The following CFAP43 variants were observed in gnomAD, a reference collection of about 807,000 sequenced individuals.
CFAP43 encodes cilia and flagella associated protein 43.
Under a neutral mutation model 218.9 loss-of-function variants are expected in CFAP43, and 155 were observed. The observed-to-expected ratio is 0.71, with a 90% CI of 0.62 to 0.81. The LOEUF (loss-of-function observed/expected upper bound fraction) is 0.81. Among genes scored for constraint, CFAP43 ranks in the 30% least tolerant of loss-of-function variants. The probability of loss-of-function intolerance (pLI) is 0.00; values close to 1 mark genes in which losing one functional copy is unlikely to be tolerated. For synonymous variants in CFAP43, 645 were observed against 681.3 expected (o/e 0.95, Z 0.83); for missense variants, 1,778 against 1,954.3 (o/e 0.91, Z 1.70).
chr10:104,152,517 T>G (rs1348976819), intron 28 of CFAP43, 90 bp downstream of exon 28: 1 of 1,559,914 alleles, frequency 6.4e-7, no homozygotes, highest in African/African-American at 1.4e-5. Flanking sequence ...AAGATCTTAG[T>G]ACCTGGTAAG....
At chr10:104,212,855 A>G (rs1003111032) in intron 4 of CFAP43, among the ~76,000 whole-genome samples, 3 of 152,206 alleles carry the variant, frequency 2.0e-5, no homozygotes, top group African/African-American at 7.2e-5. Flanking sequence ...TTGAAAAACA[A>G]TCACATAAAA....
In CFAP43 at chr10:104,179,893, C is replaced by T. The variant is rs2089767995; in HGVS notation, c.2329G>A (p.Val777Ile). ...ASTDLSQDELVLTDVKKEIPW... is the reference protein window; with the variant it reads ...ASTDLSQDELILTDVKKEIPW... Reference sequence around the variant, plus strand: ...ATTTCCTTCTTAACATCGGTTAGAACTAATTCATCTTGTGATAAGTCAGTG... The same window carrying T: ...ATTTCCTTCTTAACATCGGTTAGAATTAATTCATCTTGTGATAAGTCAGTG... The change falls in exon 18 of 38, where the codon GTT (valine) becomes ATT (isoleucine). Residue 777 changes from valine (V) to isoleucine (I), a missense_variant. By Grantham distance (29) the Val-to-Ile change is conservative. Coordinates refer to ENST00000357060, the MANE Select transcript of CFAP43 (RefSeq NM_025145.7). The T allele has an allele frequency of 6.2e-7, 1 of 1,613,864 alleles. No homozygotes were observed. Among genetic ancestry groups the T allele is most frequent in the African/African-American group, 1.3e-5 (1 of 75,056 alleles).
chr10:104,135,851 A>G (rs1248772538), intron 34 of CFAP43, among the ~76,000 whole-genome samples: 1 of 152,112 alleles, frequency 6.6e-6, no homozygotes, highest in Non-Finnish European at 1.5e-5. Flanking sequence ...AAATGGAAAA[A>G]CCTGATCCTC....
At chr10:104,192,331 T>C in intron 11 of CFAP43, 29 bp from the exon 12 acceptor site, 1 of 1,531,142 alleles carries the variant, frequency 6.5e-7, no homozygotes, top group Non-Finnish European at 9.0e-7. Flanking sequence ...GATGATCAAA[T>C]CCCAATTGTT....
chr10:104,146,311 G>GTC lies in CFAP43; in HGVS notation c.3805_3806dup (p.Asp1269GlufsTer73). ...CATAGTGCTCCTTGCACACATCCAG[G>GTC]TCTTCTCTAGATTTCCGAACAGCTT... On this transcript the variant is annotated frameshift_variant, in exon 30 of 38. Transcript: ENST00000357060. LOFTEE classifies it high-confidence loss of function. 1 of 1,613,708 alleles carries GTC rather than the reference G, an allele frequency of 6.2e-7. No individual in the cohort carries two copies. The highest frequency in any genetic ancestry group is 8.5e-7 in the Non-Finnish European group (1 of 1,179,720).
At chr10:104,148,367 C>G (rs949670741) in intron 28 of CFAP43, among the ~76,000 whole-genome samples, 1 of 152,148 alleles carries the variant, frequency 6.6e-6, no homozygotes, top group Non-Finnish European at 1.5e-5. Flanking sequence ...TAAACACTAT[C>G]TTGACTTTTT....
At chr10:104,214,206 A>G (rs1248772548) in intron 4 of CFAP43, 53 bp downstream of exon 4, 2 of 1,502,088 alleles carry the variant, frequency 1.3e-6, no homozygotes, top group Non-Finnish European at 1.8e-6. Context: ...ATCACATTAC[A>G]CGAATGCAAA....
chr10:104,147,681 T>C (rs969869962), intron 29 of CFAP43, among the ~76,000 whole-genome samples: 2 of 152,232 alleles, frequency 1.3e-5, no homozygotes, highest in African/African-American at 4.8e-5. Context: ...TGATTGCAGA[T>C]GCAGAATCAC....
rs1446951440 is a variant in CFAP43, at chr10:104,214,265, C to G, written c.578G>C (p.Arg193Thr). ...IERSNQEHCF[R>T]ARSVKLPLED... ...TTGTAACAAAGGCTCCTACCTTGCT[C>G]TGAAACAATGCTCCTGGTTACTTCT... The change falls in exon 4 of 38, where the codon AGA (arginine) becomes ACA (threonine). Residue 193 changes from arginine (R) to threonine (T), a missense_variant. Arg to Thr is a moderately conservative substitution (Grantham distance 71). Transcript: ENST00000357060. 6.3e-7 allele frequency: 1 copy of G among 1,589,692 alleles called. No homozygotes were observed. The highest frequency in any genetic ancestry group is 1.2e-5 in the South Asian group (1 of 86,260).
chr10:104,178,163 G>A (rs1043974649), intron 19 of CFAP43, among the ~76,000 whole-genome samples: 1 of 152,164 alleles, frequency 6.6e-6, no homozygotes, highest in African/African-American at 2.4e-5. Context: ...GACTTAGAAG[G>A]CAGATCTCTA....
chr10:104,179,062 C>A lies in CFAP43; in HGVS notation c.2427G>T (p.Glu809Asp). Residue 809 changes from glutamate to aspartate, a missense_variant, in exon 19 of 38, where the codon GAG (glutamate) becomes GAT (aspartate). Physicochemically the swap from Glu to Asp is conservative, Grantham distance 45 (BLOSUM62 2). This residue lies in a region of CFAP43 where 1,553 missense variants were observed against 1,685.2 expected (regional missense o/e 0.92). Coordinates refer to ENST00000357060, the MANE Select transcript of CFAP43 (RefSeq NM_025145.7). ...EVNLFSKKRK[E>D]IKQGIKSLSK... is the part of the protein sequence containing the mutation. The stretch of plus-strand genomic sequence containing the variant: ...AAAGTGATTTGATTCCTTGTTTTAT[C>A]TCTTTCCTTTTCTTGGAAAACAGAT... The A allele has an allele frequency of 6.2e-7, 1 of 1,613,310 alleles. No individual in the cohort carries two copies. Among genetic ancestry groups the A allele is most frequent in the African/African-American group, 1.3e-5 (1 of 74,996 alleles).
chr10:104,161,794 C>T (rs911694978), intron 26 of CFAP43, among the ~76,000 whole-genome samples, 167 bp downstream of exon 26: 2 of 152,124 alleles, frequency 1.3e-5, no homozygotes, highest in African/African-American at 4.8e-5. Context: ...GCATAAGCCA[C>T]CACGCCAGGC....
At chr10:104,218,933 C>A (rs764999859) in intron 3 of CFAP43, 9 of 449,478 alleles carry the variant, frequency 2.0e-5, no homozygotes, top group Middle Eastern at 5.3e-4. Context: ...ACCACACCAA[C>A]CACAGCTGCT....
intron 1 of CFAP43, 34 bp from the exon 2 acceptor site, chr10:104,230,877 A>G: frequency 2.6e-6 from 4 of 1,545,840 alleles, no homozygotes; most frequent in Non-Finnish European, 3.5e-6. Flanking sequence ...TCAATATAAT[A>G]CATTTCAAAT....
At chr10:104,138,993 G>GA (rs901450018) in intron 34 of CFAP43, among the ~76,000 whole-genome samples, 3 of 152,178 alleles carry the variant, frequency 2.0e-5, no homozygotes, top group Non-Finnish European at 4.4e-5. Context: ...CAGAGGGATG[G>GA]AAAGTATAAG....
chr10:104,193,406 G>A (rs1372460409), intron 11 of CFAP43: 1 of 152,694 alleles, frequency 6.5e-6, no homozygotes, highest in Non-Finnish European at 1.5e-5. Flanking sequence ...CCAACTACCT[G>A]GGTTCAAATC....
Position 104,162,223 on chromosome 10 carries a change from G to T in CFAP43, c.3333+94C>A. ...TGAGATTCAAGTGACCTCTGACCAC[G>T]ACAAATGTGTTGATGGGTTATTAAA... is the stretch of plus-strand genomic sequence containing the variant. On this transcript the variant is annotated intron_variant, in intron 25 of 37. Transcript: ENST00000357060. 2.3e-6 allele frequency: 3 copies of T among 1,331,696 alleles called. No individual in the cohort carries two copies. In the South Asian group the frequency reaches 3.5e-5, roughly 16 times the overall value. 82.5% of individuals were successfully genotyped at this position (1,331,696 alleles called of 1,614,324 possible).
At chr10:104,161,014 T>C (rs746081602) in intron 27 of CFAP43, 23 bp downstream of exon 27, 1 of 1,583,564 alleles carries the variant, frequency 6.3e-7, no homozygotes. Flanking sequence ...TGGTAGGTTA[T>C]ATTAATTATT....
At chr10:104,227,090 T>C (rs1367170490) in intron 2 of CFAP43, among the ~76,000 whole-genome samples, 1 of 152,172 alleles carries the variant, frequency 6.6e-6, no homozygotes, top group Non-Finnish European at 1.5e-5. Flanking sequence ...CTATTGGTTT[T>C]TTATTTACGT....
Sources: gnomAD v4.1 joint callset for allele counts (sites outside exome capture counted in the v4.1 genomes callset) on GRCh38, gnomAD v4.1.1 for gene constraint, gnomAD v4.1.1 regional missense constraint, MANE v1.5 for transcripts, NCBI Gene and HGNC (gene_info 2026-07-23, HGNC 2026-07-21) for gene names.